Variants in CEP112 observed in about 807,000 individuals in gnomAD.
The protein encoded by CEP112 is centrosomal protein 112, also known as centrosomal protein of 112 kDa.
In CEP112, 127 loss-of-function variants were observed where a neutral mutation model predicts 153.0. The ratio of observed to expected loss-of-function variants is 0.83; its 90% confidence interval spans 0.72 to 0.96. The LOEUF is 0.96. CEP112 is among the 40% of genes least tolerant of loss of function. CEP112 has a pLI of 0.00. For synonymous variants in CEP112, 358 were observed against 374.4 expected (o/e 0.96, Z 0.51); for missense variants, 1,089 against 1,101.2 (o/e 0.99, Z 0.16).
intron 16 of CEP112, among the ~76,000 whole-genome samples, chr17:66,009,106 T>C (rs1009136414): frequency 6.6e-6 from 1 of 152,078 alleles, no homozygotes; most frequent in Non-Finnish European, 1.5e-5. Context: ...GATACTTCCA[T>C]ACTGTTTGCC....
intron 17 of CEP112, 84 bp downstream of exon 17, chr17:66,005,606 T>G: frequency 6.9e-7 from 1 of 1,451,096 alleles, no homozygotes; most frequent in South Asian, 1.4e-5. Flanking sequence ...TATAAAAATA[T>G]AGTGTTTAGG....
At chr17:65,991,502 ATCT>A (rs34509353) in intron 17 of CEP112, among the ~76,000 whole-genome samples, 62,202 of 151,736 alleles carry the variant, frequency 0.41, 14,171 homozygotes, top group East Asian at 0.87. Context: ...ACAGCACCAT[ATCT>A]TCTTTATTAA....
At chr17:65,837,814 G>A (rs981905004) in intron 21 of CEP112, among the ~76,000 whole-genome samples, 4 of 152,178 alleles carry the variant, frequency 2.6e-5, no homozygotes, top group Admixed American at 1.3e-4. Flanking sequence ...TCTGAAACAT[G>A]TGCTGTGTCC....
At chr17:66,170,032 G>C (rs2072177630) in intron 4 of CEP112, among the ~76,000 whole-genome samples, 1 of 152,106 alleles carries the variant, frequency 6.6e-6, no homozygotes, top group South Asian at 2.1e-4. Context: ...GTTCCTTATG[G>C]CTATCTGATT....
At chr17:65,638,504 C>A (rs556415026) in intron 25 of CEP112, among the ~76,000 whole-genome samples, 51 of 152,174 alleles carry the variant, frequency 3.4e-4, no homozygotes, top group Non-Finnish European at 6.6e-4. Flanking sequence ...CACAGTCTTT[C>A]TAAGTGGGTG....
intron 11 of CEP112, among the ~76,000 whole-genome samples, chr17:66,062,167 TTA>T (rs2066947335): frequency 1.3e-5 from 2 of 151,992 alleles, no homozygotes; most frequent in South Asian, 4.1e-4. Context: ...CCTTTATAAA[TTA>T]CCCAGTCTCA....
At chr17:65,670,376 C>A (rs1185626863) in intron 24 of CEP112, among the ~76,000 whole-genome samples, 1 of 150,482 alleles carries the variant, frequency 6.6e-6, no homozygotes, top group Non-Finnish European at 1.5e-5. Context: ...AAAAAAAAAA[C>A]CCTCATAATT....
chr17:65,666,863 G>T (rs2046719706), intron 24 of CEP112, among the ~76,000 whole-genome samples: 1 of 151,994 alleles, frequency 6.6e-6, no homozygotes, highest in South Asian at 2.1e-4. Context: ...CAAGGTACTT[G>T]GTTCCTTTGT....
intron 24 of CEP112, among the ~76,000 whole-genome samples, chr17:65,681,675 A>AT (rs5821583): frequency 0.13 from 17,824 of 133,422 alleles, 3,075 homozygotes; most frequent in African/African-American, 0.4. Context: ...CCTTTTTTTA[A>AT]TTTTTTTTTT....
rs566789347 is a variant in CEP112, at chr17:65,925,364, G to A, written c.1980+2218C>T. On this transcript the variant is annotated intron_variant, in intron 19 of 26. Coordinates refer to ENST00000535342, the MANE Select transcript of CEP112 (RefSeq NM_001199165.4). ...TCTTGGGTATGTCTTTATTAGCAGC[G>A]TGAGAACAGACTAATACAGTTGGTA... Among the ~76,000 whole-genome samples the A allele has an allele frequency of 1.7e-3, 252 of 152,240 alleles. 2 individuals carry two copies. The highest frequency in any genetic ancestry group is 4.6e-3 in the African/African-American group (192 of 41,534).
At chr17:65,956,994 G>A (rs2062026270) in intron 18 of CEP112, among the ~76,000 whole-genome samples, 1 of 152,054 alleles carries the variant, frequency 6.6e-6, no homozygotes, top group Non-Finnish European at 1.5e-5. Context: ...TGGATATGCT[G>A]GATAAAAGGA....
intron 21 of CEP112, among the ~76,000 whole-genome samples, chr17:65,833,317 A>G (rs555048773): frequency 2.6e-5 from 4 of 152,112 alleles, no homozygotes; most frequent in African/African-American, 4.8e-5. Flanking sequence ...ATTCCCTCTC[A>G]CCACTCCTAT....
intron 21 of CEP112, among the ~76,000 whole-genome samples, chr17:65,799,539 G>A (rs985588431): frequency 6.6e-6 from 1 of 152,178 alleles, no homozygotes; most frequent in Non-Finnish European, 1.5e-5. Flanking sequence ...GTCCAGTTGG[G>A]AAGATGAATC....
intron 6 of CEP112, among the ~76,000 whole-genome samples, chr17:66,117,512 C>G (rs563051369): frequency 6.6e-6 from 1 of 152,238 alleles, no homozygotes; most frequent in East Asian, 1.9e-4. Flanking sequence ...TCCCTCTATG[C>G]CTCTGTGAGC....
chr17:66,166,650 C>G (rs1007711512), intron 4 of CEP112, among the ~76,000 whole-genome samples: 2 of 152,042 alleles, frequency 1.3e-5, no homozygotes, highest in Non-Finnish European at 2.9e-5. Flanking sequence ...GTAATCCCAG[C>G]ACTTTGGGAG....
At chr17:65,945,439 G>A (rs2061620936) in intron 18 of CEP112, among the ~76,000 whole-genome samples, 1 of 152,000 alleles carries the variant, frequency 6.6e-6, no homozygotes, top group Non-Finnish European at 1.5e-5. Context: ...CATATATTTA[G>A]TTTTCTTAGA....
intron 21 of CEP112, among the ~76,000 whole-genome samples, chr17:65,773,540 T>C (rs544070735): frequency 6.6e-6 from 1 of 152,328 alleles, no homozygotes; most frequent in Non-Finnish European, 1.5e-5. Flanking sequence ...TCTCCAAATG[T>C]AAATTATACT....
At chr17:65,887,934 A>T (rs2059339512) in intron 20 of CEP112, among the ~76,000 whole-genome samples, 1 of 152,168 alleles carries the variant, frequency 6.6e-6, no homozygotes, top group South Asian at 2.1e-4. Context: ...ATTTCAAAGC[A>T]GGTAAAGTTT....
intron 23 of CEP112, among the ~76,000 whole-genome samples, chr17:65,717,283 G>A (rs2049582590): frequency 6.6e-6 from 1 of 152,246 alleles, no homozygotes. Context: ...TGGGCCTCAC[G>A]CAAGTGGCTA....
Sources: gnomAD v4.1 joint callset for allele counts (sites outside exome capture counted in the v4.1 genomes callset) on GRCh38, gnomAD v4.1.1 for gene constraint, MANE v1.5 for transcripts, NCBI Gene and HGNC (gene_info 2026-07-23, HGNC 2026-07-21) for gene names.